The following HS3ST2 variants were observed in gnomAD, a reference collection of about 807,000 sequenced individuals.
The protein encoded by HS3ST2 is heparan sulfate-glucosamine 3-sulfotransferase 2.
A neutral mutation model predicts 26.3 loss-of-function variants in HS3ST2; 17 were observed. That is an observed-to-expected ratio of 0.65 (90% confidence interval 0.44 to 0.97). HS3ST2 has a LOEUF of 0.97. Among genes scored for constraint, HS3ST2 ranks in the 50% least tolerant of loss-of-function variants. The probability of loss-of-function intolerance (pLI) is 0.00; values close to 1 mark genes in which losing one functional copy is unlikely to be tolerated. For missense variants in HS3ST2, 402 were observed against 501.2 expected (o/e 0.80, Z 1.89); for synonymous variants, 237 against 219.2 (o/e 1.08, Z -0.72).
At chr16:22,848,188 G>C (rs575230710) in intron 1 of HS3ST2, among the ~76,000 whole-genome samples, 1 of 152,132 alleles carries the variant, frequency 6.6e-6, no homozygotes, top group Non-Finnish European at 1.5e-5. Context: ...GGATTTTGGC[G>C]TCAAAGGAGC....
chr16:22,913,900 G>A (rs9929320), intron 1 of HS3ST2, among the ~76,000 whole-genome samples: 24,406 of 151,932 alleles, frequency 0.16, 2,514 homozygotes, highest in African/African-American at 0.28. Context: ...TGCTCAGGAG[G>A]CTGAGGCAGG....
intron 1 of HS3ST2, among the ~76,000 whole-genome samples, chr16:22,908,351 C>T (rs975701894): frequency 6.6e-6 from 1 of 152,312 alleles, no homozygotes; most frequent in South Asian, 2.1e-4. Flanking sequence ...AAATAAGATA[C>T]ACCCTGCCCT....
chr16:22,852,737 A>G (rs1233707203), intron 1 of HS3ST2, among the ~76,000 whole-genome samples: 1 of 152,118 alleles, frequency 6.6e-6, no homozygotes, highest in Non-Finnish European at 1.5e-5. Context: ...CATTTCTCTC[A>G]TCATTCCAGG....
chr16:22,829,614 G>A (rs1445967653), intron 1 of HS3ST2, among the ~76,000 whole-genome samples: 2 of 152,094 alleles, frequency 1.3e-5, no homozygotes, highest in Non-Finnish European at 2.9e-5. Context: ...GGCTGGATGG[G>A]ACCTACAATC....
At chr16:22,830,708 C>G (rs1050994583) in intron 1 of HS3ST2, among the ~76,000 whole-genome samples, 3 of 152,218 alleles carry the variant, frequency 2.0e-5, no homozygotes, top group Non-Finnish European at 4.4e-5. Context: ...GCCAACCTGT[C>G]TACAACCTCC....
In HS3ST2 at chr16:22,814,908, G is replaced by A. The variant is rs564461394; in HGVS notation, c.298G>A (p.Gly100Ser). ...CGCCGTGCCCGCCCCTCGCCTCTCC[G>A]GTTCCAACCACTCCGGCTCACCCAA... is the stretch of plus-strand genomic sequence containing the variant. ...AAAVPAPRLS[G>S]SNHSGSPKLG... Residue 100 changes from glycine (G) to serine (S), a missense_variant, in exon 1 of 2, where the codon GGT becomes AGT. Coordinates refer to ENST00000261374, the MANE Select transcript of HS3ST2 (RefSeq NM_006043.2). 3.0e-5 allele frequency: 48 copies of A among 1,589,340 alleles called. No homozygotes were observed. The highest frequency in any genetic ancestry group is 3.9e-5 in the Non-Finnish European group (46 of 1,168,712).
Position 22,915,467 on chromosome 16 carries a change from A to C in HS3ST2, c.1009A>C (p.Ile337Leu). ...GKSKGRTHVQ[I>L]DPEVIDQLRE... ...ATCAAAAGGGAGAACTCATGTACAG[A>C]TTGATCCTGAAGTGATAGACCAGCT... The change falls in exon 2 of 2, where the codon ATT becomes CTT. Residue 337 changes from isoleucine to leucine, a missense_variant. Around this residue, in one of 2 missense-constraint regions of HS3ST2, gnomAD observed 237 missense variants for 346.6 expected, o/e 0.68. Transcript: ENST00000261374. The C allele has an allele frequency of 6.2e-7, 1 of 1,614,096 alleles. No individual in the cohort carries two copies. Among genetic ancestry groups the C allele is most frequent in the Non-Finnish European group, 8.5e-7 (1 of 1,180,030 alleles).
intron 1 of HS3ST2, among the ~76,000 whole-genome samples, chr16:22,867,931 T>C (rs551125522): frequency 5.3e-5 from 8 of 152,244 alleles, no homozygotes; most frequent in Non-Finnish European, 1.2e-4. Context: ...TGGAATACTA[T>C]AAGCTCTTTG....
intron 1 of HS3ST2, among the ~76,000 whole-genome samples, chr16:22,906,872 A>G (rs1323500596): frequency 6.6e-6 from 1 of 152,182 alleles, no homozygotes; most frequent in Non-Finnish European, 1.5e-5. Flanking sequence ...CTGAGCACCT[A>G]TGGTATGCCA....
chr16:22,904,543 G>A (rs1902323771), intron 1 of HS3ST2, among the ~76,000 whole-genome samples: 1 of 152,172 alleles, frequency 6.6e-6, no homozygotes, highest in Non-Finnish European at 1.5e-5. Context: ...AATAATAAGG[G>A]CACAGTCAGG....
chr16:22,858,050 A>G lies in HS3ST2; in HGVS notation c.485+42955A>G, dbSNP rs527527302. Among the ~76,000 whole-genome samples, 5 of 151,842 alleles carry G rather than the reference A, an allele frequency of 3.3e-5. No homozygotes were observed. In the South Asian group the frequency reaches 1.0e-3, roughly 32 times the overall value. ...AGCCGCCGTGCTAGACCCCAAAGGT[A>G]AAAGAATAACACACACTTTTGCCCT... On this transcript the variant is annotated intron_variant, in intron 1 of 1. Transcript: ENST00000261374.
Position 22,815,106 on chromosome 16 carries a change from G to T in HS3ST2, c.485+11G>T. 6.2e-7 allele frequency: 1 copy of T among 1,611,634 alleles called. No individual in the cohort carries two copies. The highest frequency in any genetic ancestry group is 8.5e-7 in the Non-Finnish European group (1 of 1,179,604). On this transcript the variant is annotated intron_variant, in intron 1 of 1. Coordinates refer to ENST00000261374, the MANE Select transcript of HS3ST2 (RefSeq NM_006043.2). The stretch of plus-strand genomic sequence containing the variant: ...GCTGGATTGGTACAGGTAAGGACCA[G>T]GAGCTCCGCTCCGTGCGCCGGGTCT...
In HS3ST2 at chr16:22,916,166, T is replaced by A. The variant is rs1902493727; in HGVS notation, c.*604T>A. The A allele has an allele frequency of 6.5e-6, 1 of 152,942 alleles. No individual in the cohort carries two copies. Among genetic ancestry groups the A allele is most frequent in the Non-Finnish European group, 1.5e-5 (1 of 68,290 alleles). 9.5% of individuals were successfully genotyped at this position (152,942 alleles called of 1,614,324 possible). A position where few individuals can be genotyped will look rare whatever the true frequency, so the allele number is the denominator to read the frequency against. The stretch of plus-strand genomic sequence containing the variant: ...ACTTCAGAGCCTATGGTCTCAACTG[T>A]GCTTGAAAAACACTGTCTCTGAAAA... On this transcript the variant is annotated 3_prime_UTR_variant, in exon 2 of 2. Coordinates refer to ENST00000261374, the MANE Select transcript of HS3ST2 (RefSeq NM_006043.2).
At chr16:22,868,476 A>G (rs1901787718) in intron 1 of HS3ST2, among the ~76,000 whole-genome samples, 1 of 150,908 alleles carries the variant, frequency 6.6e-6, no homozygotes, top group Non-Finnish European at 1.5e-5. Flanking sequence ...TTGTCCCTCC[A>G]TGGTGGGAAT....
chr16:22,821,527 G>C (rs1348729531), intron 1 of HS3ST2, among the ~76,000 whole-genome samples: 1 of 152,014 alleles, frequency 6.6e-6, no homozygotes, highest in Non-Finnish European at 1.5e-5. Flanking sequence ...TGAGGGCTCA[G>C]GGCAGGTGAT....
At chr16:22,904,361 G>C (rs543171549) in intron 1 of HS3ST2, among the ~76,000 whole-genome samples, 8 of 152,280 alleles carry the variant, frequency 5.3e-5, no homozygotes, top group Admixed American at 3.3e-4. Context: ...TACCAGCAGA[G>C]GACTAGACAC....
intron 1 of HS3ST2, among the ~76,000 whole-genome samples, chr16:22,853,742 T>C (rs374153873): frequency 6.6e-6 from 1 of 152,154 alleles, no homozygotes; most frequent in Admixed American, 6.5e-5. Flanking sequence ...ACAGCAGAAG[T>C]GGCTGGGCCT....
intron 1 of HS3ST2, among the ~76,000 whole-genome samples, chr16:22,905,098 A>G (rs1902332906): frequency 6.6e-6 from 1 of 152,260 alleles, no homozygotes; most frequent in Non-Finnish European, 1.5e-5. Context: ...TTGCCCAGTT[A>G]GAAGCCAATA....
chr16:22,862,588 T>C (rs1901695329), intron 1 of HS3ST2, among the ~76,000 whole-genome samples: 1 of 152,198 alleles, frequency 6.6e-6, no homozygotes, highest in South Asian at 2.1e-4. Flanking sequence ...TCTACTGCTG[T>C]CCTGTGGATC....
Sources: gnomAD v4.1 joint callset for allele counts (sites outside exome capture counted in the v4.1 genomes callset) on GRCh38, gnomAD v4.1.1 for gene constraint, gnomAD v4.1.1 regional missense constraint, MANE v1.5 for transcripts, NCBI Gene and HGNC (gene_info 2026-07-23, HGNC 2026-07-21) for gene names.